Variants in MSH6 observed in about 807,000 individuals in gnomAD.
MSH6 encodes the protein mutS homolog 6, also known as DNA mismatch repair protein Msh6.
MSH6 carries 85 observed loss-of-function variants against 119.1 expected under a neutral mutation model. That is an observed-to-expected ratio of 0.71 (90% CI 0.60 to 0.85). The LOEUF is 0.85. Among genes scored for constraint, MSH6 ranks in the 40% least tolerant of loss-of-function variants. MSH6 has a pLI of 0.00. For synonymous variants in MSH6, 830 were observed against 586.9 expected, an observed-to-expected ratio of 1.41 and a Z score of -5.99; for missense variants, 2,163 against 1,655.3, an observed-to-expected ratio of 1.31 and a Z score of -5.32.
intron 1 of MSH6, among the ~76,000 whole-genome samples, chr2:47,788,728 C>T (rs546349888): frequency 2.0e-5 from 3 of 149,690 alleles, no homozygotes; most frequent in South Asian, 2.1e-4. Context: ...TGCCACCATG[C>T]CCAGCTAATT....
chr2:47,805,065 C>A (rs755081269), intron 6 of MSH6, 38 bp downstream of exon 6: 2 of 1,310,470 alleles, frequency 1.5e-6, no homozygotes, highest in South Asian at 1.2e-5. Context: ...CTCATTCAGT[C>A]ATTTAGATGT....
At chr2:47,805,337 GCCCAGCTAA>G (rs1669920239) in intron 6 of MSH6, among the ~76,000 whole-genome samples, 1 of 152,000 alleles carries the variant, frequency 6.6e-6, no homozygotes, top group Non-Finnish European at 1.5e-5. Context: ...ATGCCATCAC[GCCCAGCTAA>G]TTTTTTGTAT....
chr2:47,809,567 A>G, downstream of MSH6: 2 of 1,431,908 alleles, frequency 1.4e-6, no homozygotes, highest in Non-Finnish European at 1.9e-6. Context: ...GGCATATTGC[A>G]TATATTTATA....
At chr2:47,806,675 TTATAACTAAC>T (rs2104570128) in intron 9 of MSH6, 24 bp downstream of exon 9, 1 of 1,598,130 alleles carries the variant, frequency 6.3e-7, no homozygotes, top group Admixed American at 1.7e-5. Flanking sequence ...TATAATGGAA[TTATAACTAAC>T]TGACCTTAAG....
At chr2:47,801,692 A>C (rs1029951328) in intron 4 of MSH6, among the ~76,000 whole-genome samples, 3 of 151,666 alleles carry the variant, frequency 2.0e-5, no homozygotes, top group African/African-American at 4.8e-5. Context: ...TTAATAATCG[A>C]ACAAAAGGTT....
At chr2:47,786,356 C>T (rs1452384184) in intron 1 of MSH6, among the ~76,000 whole-genome samples, 2 of 148,566 alleles carry the variant, frequency 1.3e-5, no homozygotes, top group Non-Finnish European at 3.0e-5. Flanking sequence ...TTTTTTGAGA[C>T]GGAATTTCAC....
At position 47,803,692 on chromosome 2, in the gene MSH6, G is replaced by GA. The variant is rs878853734; in HGVS notation, c.3438+8dup. On this transcript the variant is annotated splice_region_variant and intron_variant, in intron 5 of 9. Transcript: ENST00000234420. ...GTCTACGCTTATGAGACAGGTAACT[G>GA]ATTCTTAAAGTTTTGTTATCAGAAA... 5 of 1,614,150 alleles carry GA rather than the reference G, an allele frequency of 3.1e-6. No individual in the cohort carries two copies. Among genetic ancestry groups the GA allele is most frequent in the Non-Finnish European group, 4.2e-6 (5 of 1,180,004 alleles).
At chr2:47,790,842 C>T (rs1375149840) in intron 1 of MSH6, 85 bp from the exon 2 acceptor site, 1 of 1,213,720 alleles carries the variant, frequency 8.2e-7, no homozygotes, top group Non-Finnish European at 1.2e-6. Flanking sequence ...TGCCAGAAGA[C>T]TTGGAATTGT....
intron 7 of MSH6, 39 bp downstream of exon 7, chr2:47,805,746 TA>T (rs1558391180): frequency 7.6e-7 from 1 of 1,322,914 alleles, no homozygotes; most frequent in East Asian, 2.3e-5. Flanking sequence ...CTATCTATCT[TA>T]AAAACATTTG....
intron 1 of MSH6, among the ~76,000 whole-genome samples, chr2:47,785,255 T>A (rs1668281193): frequency 6.6e-6 from 1 of 152,092 alleles, no homozygotes; most frequent in Non-Finnish European, 1.5e-5. Context: ...TGAAATGGAG[T>A]CTCGCTCTGT....
intron 2 of MSH6, among the ~76,000 whole-genome samples, chr2:47,794,858 G>A (rs1469808230): frequency 1.3e-5 from 2 of 151,378 alleles, no homozygotes; most frequent in African/African-American, 4.9e-5. Flanking sequence ...GCAGTGGTGC[G>A]ATCTTGGCTC....
intron 7 of MSH6, among the ~76,000 whole-genome samples, chr2:47,805,968 T>C (rs1026175225): frequency 6.6e-6 from 1 of 152,186 alleles, no homozygotes; most frequent in Non-Finnish European, 1.5e-5. Context: ...AGAACACTAA[T>C]AGGAGGACTC....
intron 3 of MSH6, among the ~76,000 whole-genome samples, chr2:47,797,370 A>G (rs1021732704): frequency 1.3e-5 from 2 of 152,250 alleles, no homozygotes; most frequent in East Asian, 1.9e-4. Context: ...ACTAAGGATC[A>G]TAACATTATC....
At chr2:47,788,434 T>C (rs1281866853) in intron 1 of MSH6, among the ~76,000 whole-genome samples, 2 of 150,326 alleles carry the variant, frequency 1.3e-5, no homozygotes, top group Non-Finnish European at 1.5e-5. Context: ...TTTATTTTTT[T>C]AGTAGAGATG....
rs63750897 is a variant in MSH6 at position 47,799,491 on chromosome 2, C to G, written c.1508C>G (p.Ser503Cys). ...EARCRKMAHI[S>C]KYDRVVRREI... The stretch of plus-strand genomic sequence containing the variant: ...CGATGTAGAAAGATGGCACATATAT[C>G]CAAGTATGATAGAGTGGTGAGGAGG... The change falls in exon 4 of 10, where the codon TCC becomes TGC. Residue 503 changes from serine (S) to cysteine (C), a missense_variant. Ser to Cys is a moderately radical substitution (Grantham distance 112). Transcript: ENST00000234420. 1,874 of 1,613,976 alleles carry G rather than the reference C, an allele frequency of 1.2e-3. 2 individuals carry two copies. The highest frequency in any genetic ancestry group is 1.5e-3 in the Non-Finnish European group (1,821 of 1,180,016).
Position 47,806,374 on chromosome 2 carries a change from T to A in MSH6, c.3801+16T>A, listed in dbSNP as rs2104547873. On this transcript the variant is annotated intron_variant, in intron 8 of 9. Transcript: ENST00000234420. The stretch of plus-strand genomic sequence containing the variant: ...AGGACATATGGTATGTGCAAATTGT[T>A]TTTTTCCACAAATTCGGTTTTTTGA... 1 of 1,613,958 alleles carries A rather than the reference T, an allele frequency of 6.2e-7. No individual in the cohort carries two copies. Among genetic ancestry groups the A allele is most frequent in the Non-Finnish European group, 8.5e-7 (1 of 1,179,940 alleles).
At chr2:47,801,945 A>G (rs1669627264) in intron 4 of MSH6, among the ~76,000 whole-genome samples, 1 of 152,128 alleles carries the variant, frequency 6.6e-6, no homozygotes, top group South Asian at 2.1e-4. Flanking sequence ...CTCCCGGCCC[A>G]AAAGATTTTT....
intron 1 of MSH6, among the ~76,000 whole-genome samples, chr2:47,788,246 CTTTTTTTTTTT>C (rs560110301): frequency 1.0e-4 from 9 of 90,052 alleles, no homozygotes; most frequent in Middle Eastern, 8.1e-3. Flanking sequence ...TTCTTTCTTT[CTTTTTTTTTTT>C]TTTTTTTTTT....
chr2:47,796,162 G>A, intron 3 of MSH6, 99 bp downstream of exon 3: 1 of 1,201,962 alleles, frequency 8.3e-7, no homozygotes, highest in Non-Finnish European at 1.2e-6. Context: ...ATATATGTGT[G>A]TGTATATGTA....
Sources: allele counts gnomAD v4.1 joint callset (sites outside exome capture counted in the v4.1 genomes callset), GRCh38; gene constraint gnomAD v4.1.1; transcripts MANE v1.5; gene names NCBI Gene and HGNC (gene_info 2026-07-23, HGNC 2026-07-21).